PROS1: variants seen among roughly 807,000 people sequenced by gnomAD.
PROS1 encodes protein S, also known as vitamin K-dependent protein S.
Under a neutral mutation model 75.9 loss-of-function variants are expected in PROS1, and 29 were observed. The ratio of observed to expected loss-of-function variants is 0.38; its 90% CI spans 0.28 to 0.52. PROS1 has a LOEUF of 0.52. Among genes scored for constraint, PROS1 ranks in the 20% least tolerant of loss-of-function variants. The pLI is 0.83. For synonymous variants in PROS1, 245 were observed against 280.6 expected, an observed-to-expected ratio of 0.87 and a Z score of 1.27; for missense variants, 680 against 810.3, an observed-to-expected ratio of 0.84 and a Z score of 1.95.
intron 7 of PROS1, among the ~76,000 whole-genome samples, 178 bp downstream of exon 7, chr3:93,900,626 T>G (rs1051687992): frequency 6.6e-6 from 1 of 152,230 alleles, no homozygotes. Context: ...AAAGACCATA[T>G]GCCTTACATA....
At chr3:93,875,903 T>A (rs1708180373) in intron 14 of PROS1, among the ~76,000 whole-genome samples, 1 of 152,196 alleles carries the variant, frequency 6.6e-6, no homozygotes, top group African/African-American at 2.4e-5. Context: ...GCCTCTAATT[T>A]TCCATTTAAA....
chr3:93,951,454 G>A (rs760620014), intron 1 of PROS1, among the ~76,000 whole-genome samples: 1 of 152,136 alleles, frequency 6.6e-6, no homozygotes, highest in Non-Finnish European at 1.5e-5. Context: ...CATTCTTAAA[G>A]AAAAGAATTT....
chr3:93,884,927 C>T, intron 11 of PROS1, 31 bp from the exon 12 acceptor site: 7 of 1,589,900 alleles, frequency 4.4e-6, no homozygotes, highest in Non-Finnish European at 6.0e-6. Flanking sequence ...TCAAGGAGTG[C>T]ATTTTAAACT....
At chr3:93,904,581 C>T (rs574700882) in intron 6 of PROS1, among the ~76,000 whole-genome samples, 151 of 151,726 alleles carry the variant, frequency 1.0e-3, no homozygotes, top group African/African-American at 3.5e-3. Context: ...AATAAAGAGT[C>T]GAACAAGAAA....
intron 1 of PROS1, among the ~76,000 whole-genome samples, chr3:93,933,693 G>T (rs1468424937): frequency 6.6e-6 from 1 of 152,202 alleles, no homozygotes; most frequent in Non-Finnish European, 1.5e-5. Flanking sequence ...GGAGGCCGAG[G>T]TGAGCTGATC....
At chr3:93,928,741 C>G in intron 1 of PROS1, 1 of 1,296,136 alleles carries the variant, frequency 7.7e-7, no homozygotes, top group Non-Finnish European at 1.0e-6. Flanking sequence ...GATAAGCCGA[C>G]CAATACAGAA....
At chr3:93,912,540 T>A (rs1304514876) in intron 3 of PROS1, among the ~76,000 whole-genome samples, 2 of 152,282 alleles carry the variant, frequency 1.3e-5, no homozygotes, top group Middle Eastern at 3.4e-3. Context: ...AAGTCTTACC[T>A]TACACATTGT....
At chr3:93,947,210 T>G (rs1709416958) in intron 1 of PROS1, among the ~76,000 whole-genome samples, 1 of 152,192 alleles carries the variant, frequency 6.6e-6, no homozygotes, top group Non-Finnish European at 1.5e-5. Flanking sequence ...GGAACACTTT[T>G]ACTCTGTTGG....
chr3:93,939,983 C>T (rs1264507598), intron 1 of PROS1, among the ~76,000 whole-genome samples: 1 of 152,344 alleles, frequency 6.6e-6, no homozygotes, highest in East Asian at 1.9e-4. Flanking sequence ...TGAGAGAAAC[C>T]CCAGCCACAT....
At position 93,900,901 on chromosome 3, in the gene PROS1, G is replaced by A; in HGVS notation, c.630C>T (p.Ser210=). 1 of 1,613,920 alleles carries A rather than the reference G, an allele frequency of 6.2e-7. No homozygotes were observed. The highest frequency in any genetic ancestry group is 1.1e-5 in the South Asian group (1 of 91,068). The change falls in exon 7 of 15, where the codon AGC becomes AGT. Residue 210 remains serine (S), a synonymous_variant. Transcript: ENST00000394236. ...KDVDECSLKP[S]ICGTAVCKNI... ...TCTTGCACACAGCTGTGCCACAAAT[G>A]CTTGGCTTCAAAGAGCATTCATCCA...
chr3:93,877,783 G>A (rs545546162), intron 13 of PROS1, among the ~76,000 whole-genome samples: 4 of 152,260 alleles, frequency 2.6e-5, no homozygotes, highest in Admixed American at 6.5e-5. Context: ...TCAAACTGCC[G>A]TTATGCCTAA....
intron 2 of PROS1, among the ~76,000 whole-genome samples, chr3:93,924,663 CTTTT>C (rs368011620): frequency 1.0e-4 from 14 of 136,660 alleles, no homozygotes; most frequent in African/African-American, 3.0e-4. Context: ...AACGTACTCT[CTTTT>C]TTTTTTTTTT....
In PROS1 at chr3:93,896,703, G is replaced by T. The variant is rs745922225; in HGVS notation, c.850-12C>A. The T allele has an allele frequency of 5.1e-6, 8 of 1,570,722 alleles. No homozygotes were observed. Among genetic ancestry groups the T allele is most frequent in the Non-Finnish European group, 7.0e-6 (8 of 1,140,810 alleles). On this transcript the variant is annotated splice_polypyrimidine_tract_variant and intron_variant, in intron 8 of 14. Transcript: ENST00000394236. ...CACACTGAAACAACCTGGAATAAAA[G>T]AAACCAAATAAACAACAAGAAAATC...
chr3:93,888,698 C>T (rs987634052), intron 10 of PROS1, among the ~76,000 whole-genome samples: 11 of 152,160 alleles, frequency 7.2e-5, no homozygotes, highest in African/African-American at 2.7e-4. Flanking sequence ...TTACCATCAG[C>T]ACACCAGTCA....
At chr3:93,936,158 A>C (rs1190933712) in intron 1 of PROS1, among the ~76,000 whole-genome samples, 1 of 150,750 alleles carries the variant, frequency 6.6e-6, no homozygotes, top group East Asian at 2.0e-4. Flanking sequence ...CTATATTTGG[A>C]GACAGGTCCT....
chr3:93,877,293 G>C, intron 13 of PROS1, 102 bp from the exon 14 acceptor site: 1 of 832,994 alleles, frequency 1.2e-6, no homozygotes, highest in Non-Finnish European at 2.0e-6. Flanking sequence ...ATTTCAATAA[G>C]GAAAGAAAAT....
chr3:93,951,808 C>T lies in PROS1; in HGVS notation c.76+21866G>A, dbSNP rs539503007. Among the ~76,000 whole-genome samples, 11 of 152,208 alleles carry T rather than the reference C, an allele frequency of 7.2e-5. 2 individuals are homozygous for T. Among genetic ancestry groups the T allele is most frequent in the African/African-American group, 2.6e-4 (11 of 41,516 alleles). On this transcript the variant is annotated intron_variant, in intron 1 of 14. Transcript: ENST00000394236. ...TGGCAAATTGGATAAAGAGTTAAGA[C>T]CCATCAGTGTGCTGTATTCAGGAGA...
At chr3:93,942,656 A>T (rs571880303) in intron 1 of PROS1, among the ~76,000 whole-genome samples, 34 of 152,314 alleles carry the variant, frequency 2.2e-4, no homozygotes, top group Non-Finnish European at 4.4e-4. Flanking sequence ...GGACCAAGGA[A>T]AATATCTCCT....
intron 1 of PROS1, among the ~76,000 whole-genome samples, chr3:93,941,410 C>T (rs768448678): frequency 3.6e-4 from 55 of 152,236 alleles, no homozygotes; most frequent in Non-Finnish European, 6.0e-4. Context: ...TCTCTCAGAC[C>T]CCAACCCCTT....
Sources: allele counts gnomAD v4.1 joint callset (sites outside exome capture counted in the v4.1 genomes callset), GRCh38; gene constraint gnomAD v4.1.1; transcripts MANE v1.5; gene names NCBI Gene and HGNC (gene_info 2026-07-23, HGNC 2026-07-21).